The following TTC27 variants were observed in gnomAD, a reference collection of about 807,000 sequenced individuals.
TTC27 encodes tetratricopeptide repeat protein 27.
A neutral mutation model predicts 115.9 loss-of-function variants in TTC27; 79 were observed. The ratio of observed to expected loss-of-function variants is 0.68; its 90% CI spans 0.57 to 0.82. TTC27 has a LOEUF of 0.82. Ranked by LOEUF, TTC27 falls within the 40% of genes least tolerant of loss-of-function variation. TTC27 has a pLI of 0.00. For missense variants in TTC27, 1,054 were observed against 993.1 expected (o/e 1.06, Z -0.82); for synonymous variants, 401 against 356.0 (o/e 1.13, Z -1.42).
intron 12 of TTC27, among the ~76,000 whole-genome samples, chr2:32,756,073 T>C (rs1387741129): frequency 6.6e-6 from 1 of 152,218 alleles, no homozygotes; most frequent in Non-Finnish European, 1.5e-5. Flanking sequence ...ATCACACATT[T>C]CCATTTGCCC....
chr2:32,808,306 T>C (rs1458375518), intron 16 of TTC27, among the ~76,000 whole-genome samples: 1 of 152,204 alleles, frequency 6.6e-6, no homozygotes, highest in Non-Finnish European at 1.5e-5. Flanking sequence ...CAACACAGTC[T>C]CTTTAGGCAA....
At chr2:32,754,850 C>T (rs9259379) in intron 12 of TTC27, among the ~76,000 whole-genome samples, 5 of 142,908 alleles carry the variant, frequency 3.5e-5, no homozygotes, top group Non-Finnish European at 7.8e-5. Context: ...CCCTCCCGGA[C>T]GGGGCGGCTG....
intron 10 of TTC27, among the ~76,000 whole-genome samples, chr2:32,724,530 G>T (rs1481710232): frequency 1.3e-5 from 2 of 152,036 alleles, no homozygotes; most frequent in Non-Finnish European, 2.9e-5. Context: ...TGTCTTTGAT[G>T]AAGCAGTAAA....
intron 1 of TTC27, among the ~76,000 whole-genome samples, chr2:32,628,592 A>G (rs2063530965): frequency 6.6e-6 from 1 of 152,094 alleles, no homozygotes; most frequent in African/African-American, 2.4e-5. Context: ...TAATAATGAC[A>G]ATGGCAATGT....
At chr2:32,672,173 A>G (rs1666037097) in intron 7 of TTC27, 99 bp from the exon 8 acceptor site, 1 of 768,626 alleles carries the variant, frequency 1.3e-6, no homozygotes, top group South Asian at 1.7e-5. Context: ...TCAAACAGGT[A>G]AGTTAACTTT....
chr2:32,678,890 T>C lies in TTC27; in HGVS notation c.1087T>C (p.Leu363=), dbSNP rs771406207. The C allele has an allele frequency of 6.2e-7, 1 of 1,613,652 alleles. No homozygotes were observed. Reference sequence around the variant, plus strand: ...TCAAAAGAATAACCCAGTGCACACATTAACTGAAGTGGAGCTTCTGGCATT... The same window carrying C: ...TCAAAAGAATAACCCAGTGCACACACTAACTGAAGTGGAGCTTCTGGCATT... ...NFQKNNPVHT[L]TEVELLAFTS... Residue 363 remains leucine (L), a synonymous_variant, in exon 9 of 20, where the codon TTA becomes CTA. Transcript: ENST00000317907.
At chr2:32,790,343 TTC>T (rs1478347811) in intron 16 of TTC27, among the ~76,000 whole-genome samples, 3 of 152,150 alleles carry the variant, frequency 2.0e-5, no homozygotes, top group African/African-American at 7.2e-5. Context: ...CCTCAAATTT[TTC>T]TGTTTTTTCC....
intron 9 of TTC27, among the ~76,000 whole-genome samples, chr2:32,684,655 C>T (rs941120408): frequency 2.6e-5 from 4 of 151,860 alleles, no homozygotes; most frequent in South Asian, 2.1e-4. Context: ...TTTGCTAATC[C>T]GTTTTATAGA....
chr2:32,676,857 A>G (rs957547801), intron 8 of TTC27, among the ~76,000 whole-genome samples: 15 of 151,622 alleles, frequency 9.9e-5, no homozygotes, highest in Non-Finnish European at 2.1e-4. Context: ...TTAAATTAAT[A>G]TATGGAATAT....
intron 16 of TTC27, among the ~76,000 whole-genome samples, chr2:32,810,346 G>T (rs933514228): frequency 1.3e-5 from 2 of 152,138 alleles, no homozygotes; most frequent in African/African-American, 2.4e-5. Context: ...TTTCAACAAC[G>T]TTGTTTTCAA....
At chr2:32,633,047 C>T (rs1664275459) in intron 2 of TTC27, among the ~76,000 whole-genome samples, 1 of 152,090 alleles carries the variant, frequency 6.6e-6, no homozygotes, top group South Asian at 2.1e-4. Flanking sequence ...TGTTGTTGTT[C>T]TAGCATTTGG....
rs143590447 is a variant in TTC27 at position 32,639,127 on chromosome 2, C to T, written c.397-1143C>T. On this transcript the variant is annotated intron_variant, in intron 3 of 19. Coordinates refer to ENST00000317907, the MANE Select transcript of TTC27 (RefSeq NM_017735.5). ...GATTACAGATGTGAGCCACCGTGCC[C>T]GGCCCAGTTATTTCATTTCATAATT... Among the ~76,000 whole-genome samples, 812 of 152,258 alleles carry T rather than the reference C, an allele frequency of 5.3e-3. 7 individuals carry two copies. The highest frequency in any genetic ancestry group is 0.018 in the African/African-American group (747 of 41,548).
intron 16 of TTC27, among the ~76,000 whole-genome samples, chr2:32,807,820 A>T (rs574312404): frequency 1.3e-5 from 2 of 151,936 alleles, no homozygotes; most frequent in East Asian, 3.9e-4. Flanking sequence ...GATCCTTTGT[A>T]GATCGACTTT....
At chr2:32,800,933 A>C (rs1443978358) in intron 16 of TTC27, among the ~76,000 whole-genome samples, 1 of 152,206 alleles carries the variant, frequency 6.6e-6, no homozygotes, top group Non-Finnish European at 1.5e-5. Context: ...TTTTACCATG[A>C]CAAAAAGCCA....
intron 12 of TTC27, among the ~76,000 whole-genome samples, chr2:32,745,004 C>G (rs1401213078): frequency 7.2e-6 from 1 of 139,648 alleles, no homozygotes; most frequent in Admixed American, 7.7e-5. Flanking sequence ...GCCAAGATCA[C>G]GCCACTGCAC....
chr2:32,707,535 T>C (rs1276336751), intron 10 of TTC27, among the ~76,000 whole-genome samples: 1 of 152,226 alleles, frequency 6.6e-6, no homozygotes, highest in Non-Finnish European at 1.5e-5. Context: ...TCTGTCTTGC[T>C]CAAGTCTACT....
At chr2:32,799,375 A>T (rs1399401086) in intron 16 of TTC27, among the ~76,000 whole-genome samples, 2 of 152,184 alleles carry the variant, frequency 1.3e-5, no homozygotes, top group East Asian at 3.8e-4. Flanking sequence ...AATGGTTAAG[A>T]TTCTAAATTG....
At chr2:32,749,471 A>G (rs543015857) in intron 12 of TTC27, among the ~76,000 whole-genome samples, 1 of 152,362 alleles carries the variant, frequency 6.6e-6, no homozygotes, top group East Asian at 1.9e-4. Flanking sequence ...AATGCCATGA[A>G]GCTTGCTCTT....
chr2:32,786,580 ACCT>A (rs1209184741), intron 15 of TTC27, among the ~76,000 whole-genome samples: 1 of 150,784 alleles, frequency 6.6e-6, no homozygotes, highest in African/African-American at 2.4e-5. Flanking sequence ...TTTTGTTTTG[ACCT>A]CCTTGCCTCT....
Sources: allele counts gnomAD v4.1 joint callset (sites outside exome capture counted in the v4.1 genomes callset), GRCh38; gene constraint gnomAD v4.1.1; transcripts MANE v1.5; gene names NCBI Gene and HGNC (gene_info 2026-07-23, HGNC 2026-07-21).